The following ARHGAP26 variants were observed in gnomAD, a reference collection of about 807,000 sequenced individuals.
ARHGAP26 encodes the protein rho GTPase-activating protein 26.
In ARHGAP26, 38 loss-of-function variants were observed where a neutral mutation model predicts 104.8. That is an observed-to-expected ratio of 0.36 (90% CI 0.28 to 0.48). The LOEUF is 0.48. Among genes scored for constraint, ARHGAP26 ranks in the 20% least tolerant of loss-of-function variants. ARHGAP26 has a pLI of 0.99. For missense variants in ARHGAP26, 704 were observed against 947.9 expected (o/e 0.74, Z 3.38); for synonymous variants, 341 against 340.0 (o/e 1.00, Z -0.03).
intron 17 of ARHGAP26, among the ~76,000 whole-genome samples, chr5:143,096,683 GC>G (rs1792363518): frequency 2.0e-5 from 3 of 149,874 alleles, no homozygotes; most frequent in African/African-American, 4.9e-5. Context: ...GTAAAGCTAG[GC>G]TTTTTTTTTT....
At chr5:142,823,906 A>G (rs986774255) in intron 1 of ARHGAP26, among the ~76,000 whole-genome samples, 31 of 152,230 alleles carry the variant, frequency 2.0e-4, no homozygotes, top group Non-Finnish European at 2.8e-4. Flanking sequence ...TTCACTTTTT[A>G]AAAGTGGTCG....
At chr5:143,012,901 G>A (rs1280119355) in intron 11 of ARHGAP26, among the ~76,000 whole-genome samples, 1 of 151,666 alleles carries the variant, frequency 6.6e-6, no homozygotes, top group Non-Finnish European at 1.5e-5. Context: ...TGATCCACCC[G>A]CCTGGGCCTC....
At chr5:142,988,295 T>C (rs879314663) in intron 11 of ARHGAP26, among the ~76,000 whole-genome samples, 1 of 152,220 alleles carries the variant, frequency 6.6e-6, no homozygotes, top group Non-Finnish European at 1.5e-5. Flanking sequence ...TTTATAGTAT[T>C]CTCTGATGGT....
At chr5:142,999,038 G>T (rs140749961) in intron 11 of ARHGAP26, among the ~76,000 whole-genome samples, 1 of 152,292 alleles carries the variant, frequency 6.6e-6, no homozygotes, top group East Asian at 1.9e-4. Context: ...ACCTAAAGGG[G>T]TTCATTCATG....
chr5:142,865,478 G>GTTTTTT (rs35950662), intron 1 of ARHGAP26, among the ~76,000 whole-genome samples: 56 of 117,228 alleles, frequency 4.8e-4, no homozygotes, highest in Middle Eastern at 4.7e-3. Flanking sequence ...ACACGGAGAA[G>GTTTTTT]TTTTTTTTTT....
chr5:142,905,382 G>C (rs572733495), intron 8 of ARHGAP26, among the ~76,000 whole-genome samples: 1 of 141,514 alleles, frequency 7.1e-6, no homozygotes, highest in East Asian at 2.4e-4. Context: ...ACATGATGGG[G>C]ATACAGCACT....
intron 6 of ARHGAP26, among the ~76,000 whole-genome samples, chr5:142,898,741 CT>C (rs1235719320): frequency 1.3e-5 from 2 of 152,212 alleles, no homozygotes; most frequent in African/African-American, 2.4e-5. Flanking sequence ...CTGTTATCCT[CT>C]TGTCAAAGAT....
chr5:142,856,372 T>C (rs796435125), intron 1 of ARHGAP26, among the ~76,000 whole-genome samples: 189 of 152,336 alleles, frequency 1.2e-3, no homozygotes, highest in African/African-American at 4.3e-3. Context: ...GACACCTATC[T>C]TGGAAGATCG....
At chr5:142,859,889 A>T (rs1184346521) in intron 1 of ARHGAP26, 8 of 152,266 alleles carry the variant, frequency 5.3e-5, no homozygotes, top group Non-Finnish European at 1.2e-4. Flanking sequence ...TTTGGATGCC[A>T]TTGTCTCATT....
intron 12 of ARHGAP26, among the ~76,000 whole-genome samples, chr5:143,015,874 C>G (rs1217866922): frequency 6.6e-6 from 1 of 152,192 alleles, no homozygotes; most frequent in South Asian, 2.1e-4. Context: ...GTGGGCATCC[C>G]AACTGGTTCT....
chr5:142,918,351 T>C (rs749931304), intron 10 of ARHGAP26, among the ~76,000 whole-genome samples: 90 of 152,280 alleles, frequency 5.9e-4, no homozygotes, highest in Non-Finnish European at 9.0e-4. Flanking sequence ...TTCACCATGT[T>C]GGCCAGGCTG....
At chr5:143,140,680 A>C (rs901763001) in intron 19 of ARHGAP26, among the ~76,000 whole-genome samples, 1 of 151,666 alleles carries the variant, frequency 6.6e-6, no homozygotes, top group African/African-American at 2.4e-5. Context: ...CCCCTGAGAC[A>C]GCCTGTCTGA....
intron 17 of ARHGAP26, among the ~76,000 whole-genome samples, chr5:143,119,846 C>T (rs1192258059): frequency 6.6e-6 from 1 of 151,512 alleles, no homozygotes. Context: ...AATAAAGGCT[C>T]AGTTTAAAAA....
rs141412022 is a variant in ARHGAP26, at chr5:143,116,124, T to C, written c.1539-4864T>C. ...GTTTATGTATGTGTGTATTGCTTGG[T>C]AAAATATACTTCCTACCTTGGGTCA... On this transcript the variant is annotated intron_variant, in intron 17 of 22. Coordinates refer to ENST00000645722, the MANE Select transcript of ARHGAP26 (RefSeq NM_001135608.3). Among the ~76,000 whole-genome samples, 81 of 152,322 alleles carry C rather than the reference T, an allele frequency of 5.3e-4. 2 individuals are homozygous for C. The East Asian group carries it at 9.8e-3, about 18-fold the overall frequency.
At chr5:143,168,355 A>G (rs926593999) in intron 20 of ARHGAP26, among the ~76,000 whole-genome samples, 7 of 148,934 alleles carry the variant, frequency 4.7e-5, no homozygotes, top group Admixed American at 1.4e-4. Flanking sequence ...TCTTTTGTCA[A>G]TTTATTTCAT....
chr5:143,081,363 A>C (rs774069510), intron 17 of ARHGAP26, among the ~76,000 whole-genome samples: 1 of 152,190 alleles, frequency 6.6e-6, no homozygotes, highest in Non-Finnish European at 1.5e-5. Flanking sequence ...GACTCACACC[A>C]TAGAGAATAA....
At chr5:143,180,200 A>G (rs1804105898) in intron 20 of ARHGAP26, among the ~76,000 whole-genome samples, 1 of 152,082 alleles carries the variant, frequency 6.6e-6, no homozygotes, top group African/African-American at 2.4e-5. Context: ...ATCTTGGCTC[A>G]CTGCAACCTC....
chr5:143,171,491 A>G (rs2151130111), intron 20 of ARHGAP26, among the ~76,000 whole-genome samples: 1 of 152,290 alleles, frequency 6.6e-6, no homozygotes, highest in South Asian at 2.1e-4. Flanking sequence ...GTTGCTGTGT[A>G]CTTGCATCAC....
intron 9 of ARHGAP26, 65 bp downstream of exon 9, chr5:142,907,869 G>A: frequency 1.6e-5 from 18 of 1,161,292 alleles, no homozygotes; most frequent in Non-Finnish European, 2.3e-5. Flanking sequence ...TATAATGCAT[G>A]TATAAAGTAA....
Sources: allele counts gnomAD v4.1 joint callset (sites outside exome capture counted in the v4.1 genomes callset), GRCh38; gene constraint gnomAD v4.1.1; transcripts MANE v1.5; gene names NCBI Gene and HGNC (gene_info 2026-07-23, HGNC 2026-07-21).